MYOM1: variants seen among roughly 807,000 people sequenced by gnomAD.
The protein encoded by MYOM1 is myomesin 1, also known as myomesin-1.
A neutral mutation model predicts 205.3 loss-of-function variants in MYOM1; 164 were observed. That is an observed-to-expected ratio of 0.80 (90% CI 0.70 to 0.91). The LOEUF (loss-of-function observed/expected upper bound fraction) is 0.91. MYOM1 is among the 40% of genes least tolerant of loss of function. MYOM1 has a pLI of 0.00. For synonymous variants in MYOM1, 772 were observed against 789.4 expected, an observed-to-expected ratio of 0.98 and a Z score of 0.37; for missense variants, 2,011 against 2,127.3, an observed-to-expected ratio of 0.95 and a Z score of 1.08.
intron 29 of MYOM1, among the ~76,000 whole-genome samples, chr18:3,088,640 C>T (rs935953486): frequency 5.3e-5 from 8 of 152,162 alleles, no homozygotes; most frequent in African/African-American, 1.9e-4. Context: ...TGCTAAAGTA[C>T]AAACTTGTTT....
chr18:3,235,670 C>T, the MYOM1 span, among the ~76,000 whole-genome samples: 1,875 of 152,230 alleles, frequency 0.012, 41 homozygotes, highest in African/African-American at 0.043. Context: ...ACAAAGCAGC[C>T]AAAAGATCCT....
At chr18:3,087,005 C>T (rs1028316663) in intron 29 of MYOM1, among the ~76,000 whole-genome samples, 4 of 152,154 alleles carry the variant, frequency 2.6e-5, no homozygotes, top group African/African-American at 9.7e-5. Context: ...ACAATTTCAG[C>T]TAATAAATAA....
At chr18:3,190,837 C>G (rs1169383911) in intron 3 of MYOM1, among the ~76,000 whole-genome samples, 1 of 152,182 alleles carries the variant, frequency 6.6e-6, no homozygotes, top group Non-Finnish European at 1.5e-5. Flanking sequence ...CAGTGCTAGT[C>G]TTGCCCCAGG....
rs745600639 is a variant in MYOM1 at position 3,155,039 on chromosome 18, C to G, written c.1551G>C (p.Lys517Asn). The G allele has an allele frequency of 6.2e-7, 1 of 1,613,390 alleles. No homozygotes were observed. The highest frequency in any genetic ancestry group is 2.2e-5 in the East Asian group (1 of 44,884). The change falls in exon 11 of 38, where the codon AAG becomes AAC. Residue 517 changes from lysine (K) to asparagine (N), a missense_variant. Transcript: ENST00000356443. Reference protein sequence around the residue: ...EGAPAAPLDVKCLEANKDYII... With the variant: ...EGAPAAPLDVNCLEANKDYII... ...TATAATCTTTGTTGGCCTCCAAGCACTTCACATCCAAGGGAGCAGCTGGGG... is the reference window on the plus strand; with the variant it reads ...TATAATCTTTGTTGGCCTCCAAGCAGTTCACATCCAAGGGAGCAGCTGGGG...
chr18:3,084,026 G>A lies in MYOM1; in HGVS notation c.4341C>T (p.Ala1447=), dbSNP rs1453531530. ...DKSRLKLVDE[A]FKELMMEVCK... ...ATACTTCCATCATCAGTTCCTTAAA[G>A]GCTGTGGAGAGAGATTCAGAGCCAA... Residue 1447 remains alanine, a splice_region_variant and synonymous_variant, in exon 32 of 38, where the codon GCC becomes GCT. Coordinates refer to ENST00000356443, the MANE Select transcript of MYOM1 (RefSeq NM_003803.4). 1.9e-6 allele frequency: 3 copies of A among 1,579,816 alleles called. No homozygotes were observed. Among genetic ancestry groups the A allele is most frequent in the Non-Finnish European group, 2.6e-6 (3 of 1,161,188 alleles).
the MYOM1 span, among the ~76,000 whole-genome samples, chr18:3,234,503 G>A: frequency 6.6e-6 from 1 of 152,120 alleles, no homozygotes; most frequent in Admixed American, 6.5e-5. Flanking sequence ...ATCCACCTCA[G>A]GAATTATAGG....
chr18:3,147,000 AAAAC>A (rs796653119), intron 13 of MYOM1, among the ~76,000 whole-genome samples: 34 of 148,468 alleles, frequency 2.3e-4, no homozygotes, highest in African/African-American at 7.6e-4. Context: ...ATTAAAATAA[AAAAC>A]AATACCATTT....
intron 14 of MYOM1, among the ~76,000 whole-genome samples, chr18:3,140,838 TGTAAA>T (rs2080037787): frequency 6.6e-6 from 1 of 152,172 alleles, no homozygotes; most frequent in Admixed American, 6.5e-5. Context: ...GAAACTAAAA[TGTAAA>T]GTAAATGATA....
In MYOM1 at chr18:3,102,296, G is replaced by A. The variant is rs116101210; in HGVS notation, c.3575+178C>T. ...TGGGATTAGAGGTGTGAGCCACCGC[G>A]CTCGGCCTAGGATGATTATTTTTAA... is the stretch of plus-strand genomic sequence containing the variant. On this transcript the variant is annotated intron_variant, in intron 23 of 37. Transcript: ENST00000356443. Among the ~76,000 whole-genome samples, 3,978 of 152,056 alleles carry A rather than the reference G, an allele frequency of 0.026. 169 individuals carry two copies. The highest frequency in any genetic ancestry group is 0.091 in the African/African-American group (3,755 of 41,442).
In MYOM1 at chr18:3,213,595, T is replaced by C. The variant is rs543586171; in HGVS notation, c.290+1339A>G. On this transcript the variant is annotated intron_variant, in intron 2 of 37. Transcript: ENST00000356443. The stretch of plus-strand genomic sequence containing the variant: ...AAACAGCAGACACAGATAAGCCAAC[T>C]GCAAAGTGAACAGGAAATGACATTT... Among the ~76,000 whole-genome samples the C allele has an allele frequency of 2.0e-5, 3 of 151,884 alleles. No homozygotes were observed. In the South Asian group the frequency reaches 6.2e-4, roughly 31 times the overall value.
chr18:3,150,327 G>T lies in MYOM1; in HGVS notation c.1844-1126C>A, dbSNP rs1341485098. On this transcript the variant is annotated intron_variant, in intron 12 of 37. Coordinates refer to ENST00000356443, the MANE Select transcript of MYOM1 (RefSeq NM_003803.4). Reference sequence around the variant, plus strand: ...TCCACCCGCCTCGACCTCCCAGAGTGCTGGGATTACAGGTGTGAGCCACCA... The same window carrying T: ...TCCACCCGCCTCGACCTCCCAGAGTTCTGGGATTACAGGTGTGAGCCACCA... 2.0e-5 allele frequency among the ~76,000 whole-genome samples: 3 copies of T among 152,196 alleles called. No individual in the cohort carries two copies. In the East Asian group the frequency reaches 5.8e-4, roughly 29 times the overall value.
intron 5 of MYOM1, among the ~76,000 whole-genome samples, chr18:3,180,298 C>T (rs528049547): frequency 9.2e-5 from 14 of 152,268 alleles, no homozygotes; most frequent in Admixed American, 7.8e-4. Flanking sequence ...GTTTAAAATA[C>T]ACACACACCA....
In MYOM1 at chr18:3,149,206, A is replaced by G; in HGVS notation, c.1844-5T>C. On this transcript the variant is annotated splice_region_variant and splice_polypyrimidine_tract_variant and intron_variant, in intron 12 of 37. Coordinates refer to ENST00000356443, the MANE Select transcript of MYOM1 (RefSeq NM_003803.4). Reference sequence around the variant, plus strand: ...TCCAGGGTGCTGAGGGGCGACCTGAATAAAGACAAATATAAGAATCACAAA... The same window carrying G: ...TCCAGGGTGCTGAGGGGCGACCTGAGTAAAGACAAATATAAGAATCACAAA... 6 of 1,609,654 alleles carry G rather than the reference A, an allele frequency of 3.7e-6. No homozygotes were observed. The highest frequency in any genetic ancestry group is 5.1e-6 in the Non-Finnish European group (6 of 1,177,926).
the MYOM1 span, among the ~76,000 whole-genome samples, chr18:3,227,935 T>C: frequency 6.7e-6 from 1 of 149,814 alleles, no homozygotes; most frequent in East Asian, 2.0e-4. Context: ...AAATGGTAAA[T>C]TTAATGTTGT....
intron 33 of MYOM1, among the ~76,000 whole-genome samples, chr18:3,082,899 T>C (rs936948346): frequency 1.3e-5 from 2 of 152,214 alleles, no homozygotes; most frequent in Non-Finnish European, 2.9e-5. Flanking sequence ...AACATGCTAA[T>C]GTCTCACTCT....
intron 23 of MYOM1, among the ~76,000 whole-genome samples, chr18:3,101,004 G>T (rs6506060): frequency 0.93 from 141,555 of 152,322 alleles, 65,788 homozygotes; most frequent in East Asian, 0.96. Context: ...AAGTTCACTG[G>T]GTTTTCTAAC....
At chr18:3,245,764 A>T in the MYOM1 span, among the ~76,000 whole-genome samples, 1 of 152,146 alleles carries the variant, frequency 6.6e-6, no homozygotes, top group Non-Finnish European at 1.5e-5. Flanking sequence ...CCACTGAATT[A>T]ATTCTAGAAT....
At chr18:3,237,571 C>G in the MYOM1 span, among the ~76,000 whole-genome samples, 2 of 141,298 alleles carry the variant, frequency 1.4e-5, no homozygotes, top group Non-Finnish European at 3.0e-5. Context: ...TGCACTCCAG[C>G]CTGGGCAACA....
At chr18:3,177,445 C>CATCATTATTATT in intron 5 of MYOM1, among the ~76,000 whole-genome samples, 1 of 139,260 alleles carries the variant, frequency 7.2e-6, no homozygotes, top group East Asian at 2.1e-4. Flanking sequence ...GAAGCAATAT[C>CATCATTATTATT]ATTATTATTA....
Sources: gnomAD v4.1 joint callset for allele counts (sites outside exome capture counted in the v4.1 genomes callset) on GRCh38, gnomAD v4.1.1 for gene constraint, MANE v1.5 for transcripts, NCBI Gene and HGNC (gene_info 2026-07-23, HGNC 2026-07-21) for gene names.